UVRAG: variants seen among roughly 807,000 people sequenced by gnomAD.
UVRAG encodes the protein UV radiation resistance-associated gene protein.
Under a neutral mutation model 78.0 loss-of-function variants are expected in UVRAG, and 19 were observed. The ratio of observed to expected loss-of-function variants is 0.24; its 90% CI spans 0.17 to 0.36. The LOEUF (loss-of-function observed/expected upper bound fraction) is 0.36, where lower values mean the gene tolerates loss of function less well. Among genes scored for constraint, UVRAG ranks in the 10% least tolerant of loss-of-function variants. The pLI is 1.00. For missense variants in UVRAG, 740 were observed against 853.8 expected (o/e 0.87, Z 1.66); for synonymous variants, 323 against 324.6 (o/e 1.00, Z 0.05).
chr11:76,035,789 T>G (rs1485523879), intron 12 of UVRAG, among the ~76,000 whole-genome samples: 1 of 152,222 alleles, frequency 6.6e-6, no homozygotes, highest in Non-Finnish European at 1.5e-5. Flanking sequence ...CATATATTTT[T>G]ATGAAACAGA....
chr11:76,081,727 A>C (rs961469261), intron 13 of UVRAG, among the ~76,000 whole-genome samples: 1 of 152,222 alleles, frequency 6.6e-6, no homozygotes, highest in Admixed American at 6.5e-5. Context: ...ATAATTTGAC[A>C]TTATGCAGTG....
chr11:75,971,963 T>C (rs1949131235), intron 7 of UVRAG, among the ~76,000 whole-genome samples: 1 of 152,204 alleles, frequency 6.6e-6, no homozygotes, highest in African/African-American at 2.4e-5. Flanking sequence ...TGTGCTGGTA[T>C]TACAGGCATG....
chr11:75,820,873 C>T (rs1386355083), intron 1 of UVRAG, among the ~76,000 whole-genome samples: 1 of 152,056 alleles, frequency 6.6e-6, no homozygotes, highest in East Asian at 1.9e-4. Context: ...GTCAAGGCTG[C>T]AGTGAGCCCT....
At chr11:76,022,757 A>G (rs1174941105) in intron 12 of UVRAG, among the ~76,000 whole-genome samples, 1 of 151,896 alleles carries the variant, frequency 6.6e-6, no homozygotes, top group Non-Finnish European at 1.5e-5. Context: ...ATCCACTTAC[A>G]CTTAGTTACT....
chr11:76,090,629 T>G (rs1222653217), intron 13 of UVRAG, among the ~76,000 whole-genome samples: 1 of 152,208 alleles, frequency 6.6e-6, no homozygotes, highest in Non-Finnish European at 1.5e-5. Context: ...TAAATACCAC[T>G]CAGATAAGCC....
chr11:76,009,000 T>C, intron 11 of UVRAG, 133 bp downstream of exon 11: 2 of 485,850 alleles, frequency 4.1e-6, no homozygotes, highest in Non-Finnish European at 3.7e-6. Flanking sequence ...TGCAAGTATG[T>C]ATATCAGACT....
At chr11:76,019,969 C>CA (rs892755634) in intron 12 of UVRAG, among the ~76,000 whole-genome samples, 1 of 152,196 alleles carries the variant, frequency 6.6e-6, no homozygotes, top group Non-Finnish European at 1.5e-5. Context: ...GTTTAGGAGG[C>CA]AAAGACTGGA....
intron 12 of UVRAG, among the ~76,000 whole-genome samples, chr11:76,060,021 A>G (rs1399012536): frequency 6.6e-6 from 1 of 152,194 alleles, no homozygotes; most frequent in Non-Finnish European, 1.5e-5. Context: ...AAGGCAAGAA[A>G]CTATTAGCAG....
At chr11:75,990,794 A>ATC (rs1565107708) in intron 8 of UVRAG, among the ~76,000 whole-genome samples, 2 of 152,186 alleles carry the variant, frequency 1.3e-5, no homozygotes. Flanking sequence ...TTATTAGTCT[A>ATC]TCTCCTTCTC....
intron 14 of UVRAG, among the ~76,000 whole-genome samples, chr11:76,124,602 C>T (rs754064298): frequency 2.0e-5 from 3 of 152,230 alleles, no homozygotes; most frequent in Non-Finnish European, 4.4e-5. Context: ...GTATCCTTGG[C>T]TGTTCAACAG....
chr11:75,894,039 G>A (rs934173305), intron 5 of UVRAG, among the ~76,000 whole-genome samples: 1 of 152,184 alleles, frequency 6.6e-6, no homozygotes, highest in Non-Finnish European at 1.5e-5. Context: ...ACCAAAGGGA[G>A]CATATAGTGT....
chr11:76,081,865 C>CTG (rs1951500182), intron 13 of UVRAG, among the ~76,000 whole-genome samples: 1 of 149,790 alleles, frequency 6.7e-6, no homozygotes, highest in Non-Finnish European at 1.5e-5. Flanking sequence ...TAATCAAATA[C>CTG]TGTGCAGCCA....
intron 6 of UVRAG, among the ~76,000 whole-genome samples, chr11:75,919,540 C>G (rs1250747084): frequency 1.3e-5 from 2 of 152,132 alleles, no homozygotes; most frequent in Non-Finnish European, 2.9e-5. Context: ...ACTGTCCTAC[C>G]TTTGTAGTCA....
intron 7 of UVRAG, among the ~76,000 whole-genome samples, chr11:75,973,489 G>A (rs1046686601): frequency 6.6e-6 from 1 of 152,102 alleles, no homozygotes; most frequent in Non-Finnish European, 1.5e-5. Context: ...GGTGATGCTG[G>A]CTTCATAGAA....
intron 13 of UVRAG, among the ~76,000 whole-genome samples, chr11:76,068,456 T>C (rs1156864946): frequency 6.6e-6 from 1 of 152,230 alleles, no homozygotes; most frequent in East Asian, 1.9e-4. Flanking sequence ...GGTTAACTAC[T>C]CTGAATCCAT....
chr11:76,125,951 T>C (rs1395324178), intron 14 of UVRAG, among the ~76,000 whole-genome samples: 1 of 130,308 alleles, frequency 7.7e-6, no homozygotes, highest in Non-Finnish European at 1.7e-5. Context: ...TGGCAGTCAC[T>C]TTTTTTTTTT....
intron 4 of UVRAG, among the ~76,000 whole-genome samples, chr11:75,882,506 C>CT (rs1365756309): frequency 7.9e-5 from 11 of 139,876 alleles, no homozygotes; most frequent in African/African-American, 1.0e-4. Context: ...GAGTGAGACT[C>CT]TATCTCAAAA....
intron 6 of UVRAG, chr11:75,930,819 G>GC (rs1385151693): frequency 1.8e-4 from 27 of 152,324 alleles, no homozygotes; most frequent in Admixed American, 1.6e-3. Flanking sequence ...ACAAGGCACG[G>GC]CATGTGTTGG....
At chr11:75,852,075 T>G (rs548637308) in intron 2 of UVRAG, 75 bp downstream of exon 2, 2 of 1,036,546 alleles carry the variant, frequency 1.9e-6, no homozygotes, top group African/African-American at 3.3e-5. Context: ...TGATTCTCAG[T>G]GCCTCCTGCT....
Sources: gnomAD v4.1 joint callset for allele counts (sites outside exome capture counted in the v4.1 genomes callset) on GRCh38, gnomAD v4.1.1 for gene constraint, MANE v1.5 for transcripts, NCBI Gene and HGNC (gene_info 2026-07-23, HGNC 2026-07-21) for gene names.